The following ZFPM1 variants were observed in gnomAD, a reference collection of about 807,000 sequenced individuals.
The protein encoded by ZFPM1 is zinc finger protein, FOG family member 1, also known as zinc finger protein ZFPM1.
In ZFPM1, 28 loss-of-function variants were observed where a neutral mutation model predicts 46.3. That is an observed-to-expected ratio of 0.60 (90% CI 0.45 to 0.83). The LOEUF (loss-of-function observed/expected upper bound fraction) is 0.83. ZFPM1 is among the 40% of genes least tolerant of loss of function. The pLI, the probability that ZFPM1 is intolerant of heterozygous loss-of-function variation, is 0.00. For synonymous variants in ZFPM1, 957 were observed against 675.9 expected (o/e 1.42, Z -6.45); for missense variants, 1,878 against 1,432.4 (o/e 1.31, Z -5.02).
chr16:88,505,940 C>T (rs1910633456), intron 3 of ZFPM1, among the ~76,000 whole-genome samples: 1 of 152,228 alleles, frequency 6.6e-6, no homozygotes, highest in Non-Finnish European at 1.5e-5. Flanking sequence ...CCCCAGCCCC[C>T]CACAGCCATC....
In ZFPM1 at chr16:88,489,172, G is replaced by A. The variant is rs1315775039; in HGVS notation, c.268+19G>A. ...GGGCCAGGTAACCACGCGGGTGGTGGGGGCAGCAGCATCGCCTCCCGGGCA... is the reference window on the plus strand; with the variant it reads ...GGGCCAGGTAACCACGCGGGTGGTGAGGGCAGCAGCATCGCCTCCCGGGCA... On this transcript the variant is annotated intron_variant, in intron 3 of 9. Transcript: ENST00000319555. The A allele has an allele frequency of 6.3e-7, 1 of 1,581,508 alleles. No homozygotes were observed. Among genetic ancestry groups the A allele is most frequent in the Non-Finnish European group, 8.6e-7 (1 of 1,164,700 alleles).
chr16:88,481,638 C>G (rs1908947590), intron 1 of ZFPM1, among the ~76,000 whole-genome samples: 1 of 152,066 alleles, frequency 6.6e-6, no homozygotes, highest in Non-Finnish European at 1.5e-5. Context: ...TCACCGAGTC[C>G]CCGTACTGTC....
At chr16:88,507,837 G>A (rs1257805807) in intron 3 of ZFPM1, among the ~76,000 whole-genome samples, 2 of 152,164 alleles carry the variant, frequency 1.3e-5, no homozygotes, top group Non-Finnish European at 2.9e-5. Flanking sequence ...GATGGGCCCA[G>A]CCCCACAGCC....
At chr16:88,531,893 TG>T in intron 6 of ZFPM1, 108 bp from the exon 7 acceptor site, 1 of 1,062,216 alleles carries the variant, frequency 9.4e-7, no homozygotes, top group Non-Finnish European at 1.4e-6. Context: ...GCTCCTGGGG[TG>T]GGGAGGACGG....
chr16:88,521,355 C>G (rs565875800), intron 4 of ZFPM1, among the ~76,000 whole-genome samples: 1 of 152,084 alleles, frequency 6.6e-6, no homozygotes, highest in East Asian at 1.9e-4. Flanking sequence ...TGACCCCTGA[C>G]GCCAGGCTCT....
chr16:88,533,471 T>C lies in ZFPM1; in HGVS notation c.1513T>C (p.Ser505Pro). ...PAPARVKAEL[S>P]SPTPGSSPVP... ...CCCGGCCAGGGTCAAGGCCGAGCTG[T>C]CCAGCCCCACGCCGGGCTCCAGCCC... Residue 505 changes from serine (S) to proline (P), a missense_variant, in exon 10 of 10, where the codon TCC becomes CCC. By Grantham distance (74) the Ser-to-Pro change is moderately conservative. Transcript: ENST00000319555. The C allele has an allele frequency of 7.1e-7, 1 of 1,414,760 alleles. No individual in the cohort carries two copies. Among genetic ancestry groups the C allele is most frequent in the South Asian group, 1.4e-5 (1 of 70,886 alleles). 87.6% of individuals were successfully genotyped at this position (1,414,760 alleles called of 1,614,324 possible).
chr16:88,518,873 T>C (rs995566589), intron 4 of ZFPM1, among the ~76,000 whole-genome samples: 3 of 143,972 alleles, frequency 2.1e-5, no homozygotes, highest in South Asian at 2.2e-4. Context: ...GGTGGATGGA[T>C]AGATGGATGA....
At chr16:88,474,584 C>G (rs1267602209) in intron 1 of ZFPM1, among the ~76,000 whole-genome samples, 1 of 151,918 alleles carries the variant, frequency 6.6e-6, no homozygotes, top group Non-Finnish European at 1.5e-5. Context: ...CTTCGGGGGG[C>G]GGGGGGCTCT....
chr16:88,468,070 G>C (rs1175111473), intron 1 of ZFPM1, among the ~76,000 whole-genome samples: 7 of 26,894 alleles, frequency 2.6e-4, no homozygotes, highest in Non-Finnish European at 4.3e-4. Context: ...CCACCGCCCC[G>C]ACCCACCCGC....
chr16:88,453,661 A>AC lies in ZFPM1; in HGVS notation c.28dup (p.Arg10ProfsTer32). ...GACATGTCCAGGCGGAAACAGAGCA[A>AC]CCCCCGGCAGATCAAGCGTGAGTCA... On this transcript the variant is annotated frameshift_variant, in exon 1 of 10. Transcript: ENST00000319555. LOFTEE classifies it high-confidence loss of function. 2 of 1,194,102 alleles carry AC rather than the reference A, an allele frequency of 1.7e-6. No homozygotes were observed. The highest frequency in any genetic ancestry group is 1.8e-5 in the South Asian group (1 of 55,060). The allele number at this position is 1,194,102 out of a possible 1,614,324, so 74.0% of individuals were successfully genotyped here.
intron 4 of ZFPM1, among the ~76,000 whole-genome samples, chr16:88,515,187 C>T (rs150556553): frequency 2.0e-5 from 3 of 152,354 alleles, no homozygotes; most frequent in East Asian, 3.9e-4. Flanking sequence ...TATATAGAAA[C>T]CTGTAAGTAC....
At chr16:88,461,066 CCA>C in intron 1 of ZFPM1, among the ~76,000 whole-genome samples, 1 of 101,088 alleles carries the variant, frequency 9.9e-6, no homozygotes, top group African/African-American at 4.7e-5. Context: ...TGGTGAGGAC[CCA>C]GGGGCAGAAG....
At chr16:88,457,808 G>C (rs1042707607) in intron 1 of ZFPM1, among the ~76,000 whole-genome samples, 14 of 152,182 alleles carry the variant, frequency 9.2e-5, no homozygotes, top group African/African-American at 3.4e-4. Flanking sequence ...ACATTTAGCA[G>C]AGGGAATTAG....
At chr16:88,456,218 C>T (rs1907552740) in intron 1 of ZFPM1, among the ~76,000 whole-genome samples, 1 of 152,228 alleles carries the variant, frequency 6.6e-6, no homozygotes, top group African/African-American at 2.4e-5. Context: ...TGGCTTTGCC[C>T]CGGCCAGGAG....
At chr16:88,465,560 C>A (rs1415655842) in intron 1 of ZFPM1, among the ~76,000 whole-genome samples, 1 of 152,184 alleles carries the variant, frequency 6.6e-6, no homozygotes, top group African/African-American at 2.4e-5. Context: ...CCTGGTGTCC[C>A]CCTGGTGCCT....
Position 88,497,024 on chromosome 16 carries a change from C to T in ZFPM1, c.268+7871C>T, listed in dbSNP as rs531413910. On this transcript the variant is annotated intron_variant, in intron 3 of 9. Transcript: ENST00000319555. The surrounding 1 kb of genome is among the most constrained non-coding windows in gnomAD (Gnocchi z 5.4). ...TGCCCAGGAGCCGCACACACCTGCT[C>T]CTGGCTCGCTCCACCCGTAAGTGCC... Among the ~76,000 whole-genome samples, 10 of 152,334 alleles carry T rather than the reference C, an allele frequency of 6.6e-5. No homozygotes were observed. In the South Asian group the frequency reaches 1.0e-3, roughly 16 times the overall value.
At chr16:88,494,450 G>A (rs914155228) in intron 3 of ZFPM1, among the ~76,000 whole-genome samples, 5 of 152,130 alleles carry the variant, frequency 3.3e-5, no homozygotes, top group African/African-American at 4.8e-5. Context: ...ACGCCCGGCC[G>A]GGGTGAGAGG....
At position 88,533,331 on chromosome 16, in the gene ZFPM1, C is replaced by T. The variant is rs1033169080; in HGVS notation, c.1373C>T (p.Ala458Val). 53 of 1,531,344 alleles carry T rather than the reference C, an allele frequency of 3.5e-5. No homozygotes were observed. The highest frequency in any genetic ancestry group is 3.8e-5 in the Non-Finnish European group (43 of 1,142,654). 94.9% of individuals were successfully genotyped at this position (1,531,344 alleles called of 1,614,324 possible). The change falls in exon 10 of 10, where the codon GCC (alanine) becomes GTC (valine). Residue 458 changes from alanine (A) to valine (V), a missense_variant. Transcript: ENST00000319555. ...QNGGSSEPPA[A>V]PRSIKVEAVE... ...GGAGGCAGCAGCGAGCCCCCGGCGG[C>T]CCCCAGGAGCATCAAGGTGGAGGCG...
In ZFPM1 at chr16:88,466,153, C is replaced by T. The variant is rs955451324; in HGVS notation, c.40+12475C>T. Among the ~76,000 whole-genome samples, 22 of 152,236 alleles carry T rather than the reference C, an allele frequency of 1.4e-4. No homozygotes were observed. In the South Asian group the frequency reaches 3.1e-3, roughly 22 times the overall value. Reference sequence around the variant, plus strand: ...CTTGAGAAATGAGATCCTCTGGGAACCCAAAGGCAGGATCCCTGGGGCGGT... The same window carrying T: ...CTTGAGAAATGAGATCCTCTGGGAATCCAAAGGCAGGATCCCTGGGGCGGT... On this transcript the variant is annotated intron_variant, in intron 1 of 9. Transcript: ENST00000319555.
Sources: gnomAD v4.1 joint callset for allele counts (sites outside exome capture counted in the v4.1 genomes callset) on GRCh38, gnomAD v4.1.1 for gene constraint, Gnocchi (gnomAD v3.1) non-coding constraint, MANE v1.5 for transcripts, NCBI Gene and HGNC (gene_info 2026-07-23, HGNC 2026-07-21) for gene names.